The following SLC25A53 variants were observed in gnomAD, a reference collection of about 807,000 sequenced individuals.
SLC25A53 encodes the protein mitochondrial carrier triple repeat protein 6.
A neutral mutation model predicts 15.0 loss-of-function variants in SLC25A53; 5 were observed. That is an observed-to-expected ratio of 0.33 (90% confidence interval 0.17 to 0.70). SLC25A53 has a LOEUF of 0.70. Ranked by LOEUF, SLC25A53 falls within the 30% of genes least tolerant of loss-of-function variation. SLC25A53 has a pLI of 0.67. For synonymous variants in SLC25A53, 95 were observed against 100.0 expected, an observed-to-expected ratio of 0.95 and a Z score of 0.30; for missense variants, 216 against 241.6, an observed-to-expected ratio of 0.89 and a Z score of 0.70.
chrX:104,103,138 CAA>C lies in SLC25A53; in HGVS notation c.*1194_*1195del, dbSNP rs539051426. On this transcript the variant is annotated 3_prime_UTR_variant, in exon 2 of 2. Transcript: ENST00000594199. ...GGGCAACAAGAGCGAAACTCCGTCTCAAAAAAAAAAAAAAGAAAGGGGCATCA... is the reference window on the plus strand; with the variant it reads ...GGGCAACAAGAGCGAAACTCCGTCTCAAAAAAAAAAAAGAAAGGGGCATCA... 9.8e-5 allele frequency: 7 copies of C among 71,400 alleles called. No individual in the cohort carries two copies. Among genetic ancestry groups the C allele is most frequent in the Non-Finnish European group, 1.3e-4 (5 of 37,207 alleles). 5.9% of individuals were successfully genotyped at this position (71,400 alleles called of 1,213,427 possible). A position where few individuals can be genotyped will look rare whatever the true frequency, so the allele number is the denominator to read the frequency against.
intron 1 of SLC25A53, among the ~76,000 whole-genome samples, chrX:104,106,321 T>G (rs2075310083): frequency 9.0e-6 from 1 of 110,949 alleles, no homozygotes; most frequent in African/African-American, 3.3e-5. Context: ...AAATGAATGC[T>G]CAGTGCAGAT....
chrX:104,126,032 C>T (rs1243501811), intron 1 of SLC25A53, among the ~76,000 whole-genome samples: 1 of 112,010 alleles, frequency 8.9e-6, no homozygotes. Flanking sequence ...GCTGGCCCAG[C>T]ATGGTGGCTC....
At chrX:104,149,419 T>A (rs918779836) in intron 1 of SLC25A53, among the ~76,000 whole-genome samples, 2 of 112,669 alleles carry the variant, frequency 1.8e-5, no homozygotes, top group African/African-American at 6.4e-5. Context: ...GGGGCCGTAA[T>A]CCTTTAGGAG....
chrX:104,128,777 TACACAC>T lies in SLC25A53; in HGVS notation c.-31-23495_-31-23490del, dbSNP rs781789903. Among the ~76,000 whole-genome samples, 34 of 106,615 alleles carry T rather than the reference TACACAC, an allele frequency of 3.2e-4. No homozygotes were observed. In the South Asian group the frequency reaches 9.8e-3, roughly 31 times the overall value. The allele number at this position is 106,615 out of a possible 115,157, so 92.6% of individuals were successfully genotyped here. On this transcript the variant is annotated intron_variant, in intron 1 of 1. Coordinates refer to ENST00000594199, the MANE Select transcript of SLC25A53 (RefSeq NM_001012755.5). The stretch of plus-strand genomic sequence containing the variant: ...ATAAACAGACACAGACACACACACG[TACACAC>T]ACACACACACACACCCATGTATGTA...
chrX:104,104,238 T>C lies in SLC25A53; in HGVS notation c.*96A>G, dbSNP rs1263471928. 1 of 784,663 alleles carries C rather than the reference T, an allele frequency of 1.3e-6. No individual in the cohort carries two copies. Among genetic ancestry groups the C allele is most frequent in the African/African-American group, 2.1e-5 (1 of 47,646 alleles). 64.7% of individuals were successfully genotyped at this position (784,663 alleles called of 1,213,427 possible). A position where few individuals can be genotyped will look rare whatever the true frequency, so the allele number is the denominator to read the frequency against. ...CAATGAGTTTATAGATGCTAAAGGATGGCTGTATTAGGCAACCTAGCCAAA... is the reference window on the plus strand; with the variant it reads ...CAATGAGTTTATAGATGCTAAAGGACGGCTGTATTAGGCAACCTAGCCAAA... On this transcript the variant is annotated 3_prime_UTR_variant, in exon 2 of 2. Transcript: ENST00000594199.
intron 1 of SLC25A53, among the ~76,000 whole-genome samples, chrX:104,149,636 C>T (rs1271003671): frequency 8.9e-6 from 1 of 111,946 alleles, no homozygotes; most frequent in Non-Finnish European, 1.9e-5. Flanking sequence ...CACTGCCTCT[C>T]ATAACCTAGC....
intron 1 of SLC25A53, among the ~76,000 whole-genome samples, chrX:104,136,862 C>G: frequency 8.9e-6 from 1 of 111,774 alleles, no homozygotes; most frequent in Non-Finnish European, 1.9e-5. Context: ...AGTGTCGTAC[C>G]TAGAACAGAC....
intron 1 of SLC25A53, among the ~76,000 whole-genome samples, chrX:104,107,626 T>C (rs782511538): frequency 0.034 from 3,808 of 112,239 alleles, 82 homozygotes; most frequent in Middle Eastern, 0.11. Context: ...TATTTGTCCT[T>C]TCTTCTACCT....
In SLC25A53 at chrX:104,103,440, T is replaced by A. The variant is rs1344497376; in HGVS notation, c.*894A>T. Reference sequence around the variant, plus strand: ...AGTTATATGATGACCATATTTTGAATGGCTCTGAATGACAGGCTAAGATTT... The same window carrying A: ...AGTTATATGATGACCATATTTTGAAAGGCTCTGAATGACAGGCTAAGATTT... On this transcript the variant is annotated 3_prime_UTR_variant, in exon 2 of 2. Coordinates refer to ENST00000594199, the MANE Select transcript of SLC25A53 (RefSeq NM_001012755.5). 2.7e-5 allele frequency: 3 copies of A among 111,828 alleles called. No homozygotes were observed. The Admixed American group carries it at 2.8e-4, about 11-fold the overall frequency. The allele number at this position is 111,828 out of a possible 1,213,427, so 9.2% of individuals were successfully genotyped here.
At chrX:104,110,124 T>A (rs1333449415) in intron 1 of SLC25A53, among the ~76,000 whole-genome samples, 1 of 111,936 alleles carries the variant, frequency 8.9e-6, no homozygotes, top group East Asian at 2.8e-4. Flanking sequence ...CTCTGACACC[T>A]ATTCTTGGTC....
At chrX:104,125,482 C>T (rs894403202) in intron 1 of SLC25A53, among the ~76,000 whole-genome samples, 4 of 111,549 alleles carry the variant, frequency 3.6e-5, no homozygotes, top group Admixed American at 2.9e-4. Context: ...ACAATCATAT[C>T]GTAATAACAG....
chrX:104,141,944 T>C (rs1261996755), intron 1 of SLC25A53, among the ~76,000 whole-genome samples: 1 of 111,922 alleles, frequency 8.9e-6, no homozygotes, highest in Non-Finnish European at 1.9e-5. Flanking sequence ...AAACTATTGA[T>C]GTATATAAAA....
intron 1 of SLC25A53, among the ~76,000 whole-genome samples, chrX:104,147,725 G>A (rs1227240055): frequency 1.8e-5 from 2 of 111,828 alleles, no homozygotes; most frequent in African/African-American, 6.5e-5. Flanking sequence ...GGCCATCAGA[G>A]AAATGCAAAT....
chrX:104,103,574 G>C lies in SLC25A53; in HGVS notation c.*760C>G, dbSNP rs781990164. On this transcript the variant is annotated 3_prime_UTR_variant, in exon 2 of 2. Coordinates refer to ENST00000594199, the MANE Select transcript of SLC25A53 (RefSeq NM_001012755.5). Reference sequence around the variant, plus strand: ...CCAGGTTTCTTAGGGAAACTCAAACGGTTTCTAGGCAATGTTATCACCTTG... The same window carrying C: ...CCAGGTTTCTTAGGGAAACTCAAACCGTTTCTAGGCAATGTTATCACCTTG... The C allele has an allele frequency of 3.8e-4, 43 of 112,021 alleles. No individual in the cohort carries two copies. Among genetic ancestry groups the C allele is most frequent in the African/African-American group, 1.4e-3 (43 of 30,891 alleles). The allele number at this position is 112,021 out of a possible 1,213,427, so 9.2% of individuals were successfully genotyped here.
chrX:104,148,673 G>T lies in SLC25A53; in HGVS notation c.-32+8205C>A, dbSNP rs192286230. ...ACAGGAAGGGGAACATCACACACAG[G>T]GGCCTGTCATGGGGTAGGAGGACGG... On this transcript the variant is annotated intron_variant, in intron 1 of 1. Coordinates refer to ENST00000594199, the MANE Select transcript of SLC25A53 (RefSeq NM_001012755.5). Among the ~76,000 whole-genome samples, 4 of 110,459 alleles carry T rather than the reference G, an allele frequency of 3.6e-5. No individual in the cohort carries two copies. The East Asian group carries it at 1.1e-3, about 32-fold the overall frequency.
chrX:104,109,086 G>C (rs1366654712), intron 1 of SLC25A53, among the ~76,000 whole-genome samples: 1 of 111,942 alleles, frequency 8.9e-6, no homozygotes, highest in East Asian at 2.8e-4. Context: ...GAGTAGAATA[G>C]GCTGTTGTTA....
chrX:104,155,587 C>G (rs1261227446), intron 1 of SLC25A53, among the ~76,000 whole-genome samples: 1 of 111,387 alleles, frequency 9.0e-6, no homozygotes, highest in Non-Finnish European at 1.9e-5. Context: ...CTGGTGGGTG[C>G]ACAATTCCCT....
At chrX:104,122,211 A>AT (rs1325034055) in intron 1 of SLC25A53, among the ~76,000 whole-genome samples, 2 of 105,913 alleles carry the variant, frequency 1.9e-5, no homozygotes, top group Non-Finnish European at 3.9e-5. Context: ...CATTCCAAAT[A>AT]TTTTTTATTT....
chrX:104,122,104 C>T (rs1556362982), intron 1 of SLC25A53, among the ~76,000 whole-genome samples: 1 of 103,435 alleles, frequency 9.7e-6, no homozygotes, highest in East Asian at 3.1e-4. Flanking sequence ...TAGTTCTATC[C>T]CCCCTTTTTG....
Sources: gnomAD v4.1 joint callset for allele counts (sites outside exome capture counted in the v4.1 genomes callset) on GRCh38, gnomAD v4.1.1 for gene constraint, MANE v1.5 for transcripts, NCBI Gene and HGNC (gene_info 2026-07-23, HGNC 2026-07-21) for gene names.